APP: variants seen among roughly 807,000 people sequenced by gnomAD.
The protein encoded by APP is amyloid-beta precursor protein.
In APP, 31 loss-of-function variants were observed where a neutral mutation model predicts 101.4. That is an observed-to-expected ratio of 0.31 (90% CI 0.23 to 0.41). The LOEUF is 0.41. Among genes scored for constraint, APP ranks in the 10% least tolerant of loss-of-function variants. APP has a pLI of 1.00. For synonymous variants in APP, 366 were observed against 364.4 expected, an observed-to-expected ratio of 1.00 and a Z score of -0.05; for missense variants, 839 against 1,003.7, an observed-to-expected ratio of 0.84 and a Z score of 2.22.
intron 15 of APP, among the ~76,000 whole-genome samples, chr21:25,902,625 A>G (rs1162601256): frequency 6.8e-6 from 1 of 146,206 alleles, no homozygotes; most frequent in Non-Finnish European, 1.5e-5. Context: ...TTCTTTGCCA[A>G]TCCAGGTGCC....
chr21:25,895,110 C>CT (rs142828503), intron 16 of APP, among the ~76,000 whole-genome samples: 2,357 of 142,626 alleles, frequency 0.017, 39 homozygotes, highest in African/African-American at 0.042. Context: ...ATATACATGG[C>CT]TTTTTTTTTT....
chr21:25,900,682 A>T (rs2829977), intron 15 of APP, among the ~76,000 whole-genome samples: 25,168 of 152,050 alleles, frequency 0.17, 2,627 homozygotes, highest in African/African-American at 0.28. Context: ...TTGGAGCCAA[A>T]TATTTATACT....
intron 1 of APP, among the ~76,000 whole-genome samples, chr21:26,137,551 A>G (rs1474797306): frequency 6.6e-6 from 1 of 152,186 alleles, no homozygotes; most frequent in Non-Finnish European, 1.5e-5. Flanking sequence ...CCTTCATTTA[A>G]CAAAGAAACA....
chr21:26,070,549 A>C (rs930382986), intron 3 of APP, among the ~76,000 whole-genome samples: 1 of 152,236 alleles, frequency 6.6e-6, no homozygotes, highest in African/African-American at 2.4e-5. Flanking sequence ...GCTCACAAGT[A>C]AAAACTAAAA....
chr21:26,033,884 G>A (rs771003957), intron 5 of APP, among the ~76,000 whole-genome samples: 3 of 152,174 alleles, frequency 2.0e-5, no homozygotes, highest in Non-Finnish European at 4.4e-5. Context: ...GTTACTAATG[G>A]TAACAGAGGA....
intron 5 of APP, among the ~76,000 whole-genome samples, chr21:26,047,899 G>T (rs1285751194): frequency 6.6e-6 from 1 of 152,068 alleles, no homozygotes; most frequent in Non-Finnish European, 1.5e-5. Context: ...AAAAGAATGT[G>T]AACTATCTTA....
chr21:25,889,761 C>T (rs1198141590), intron 17 of APP, among the ~76,000 whole-genome samples: 2 of 152,024 alleles, frequency 1.3e-5, no homozygotes, highest in East Asian at 1.9e-4. Context: ...GTAGGAGAAT[C>T]GCTTGAACCT....
At chr21:25,884,021 G>C (rs1370655100) in intron 17 of APP, among the ~76,000 whole-genome samples, 1 of 151,992 alleles carries the variant, frequency 6.6e-6, no homozygotes, top group Non-Finnish European at 1.5e-5. Context: ...TGGGATTACA[G>C]GCACCCGCCA....
chr21:25,896,414 A>C lies in APP; in HGVS notation c.2064+1159T>G, dbSNP rs2038046344. On this transcript the variant is annotated intron_variant, in intron 16 of 17. Coordinates refer to ENST00000346798, the MANE Select transcript of APP (RefSeq NM_000484.4). ...GACATTTTCTGCTTGGAAAAAAGTA[A>C]CACTCACACACACACACACACAAAA... Among the ~76,000 whole-genome samples, 3 of 141,988 alleles carry C rather than the reference A, an allele frequency of 2.1e-5. No individual in the cohort carries two copies. In the South Asian group the frequency reaches 7.2e-4, roughly 34 times the overall value. 93.1% of individuals were successfully genotyped at this position (141,988 alleles called of 152,430 possible).
At chr21:25,901,122 ACT>A (rs1474963101) in intron 15 of APP, among the ~76,000 whole-genome samples, 1 of 152,038 alleles carries the variant, frequency 6.6e-6, no homozygotes, top group Non-Finnish European at 1.5e-5. Context: ...ATATGGCAAA[ACT>A]CTGTCTCTAC....
intron 13 of APP, among the ~76,000 whole-genome samples, chr21:25,939,741 C>T (rs560790449): frequency 1.3e-5 from 2 of 152,124 alleles, no homozygotes; most frequent in South Asian, 2.1e-4. Context: ...AGCAGAAAAT[C>T]GAGGGGCTCT....
At chr21:25,983,213 A>G (rs1365527821) in intron 8 of APP, among the ~76,000 whole-genome samples, 1 of 152,234 alleles carries the variant, frequency 6.6e-6, no homozygotes, top group Non-Finnish European at 1.5e-5. Flanking sequence ...AGCCAAGTGA[A>G]TTATAATACC....
intron 8 of APP, among the ~76,000 whole-genome samples, chr21:25,986,500 G>C (rs2042641839): frequency 1.3e-5 from 2 of 152,054 alleles, no homozygotes; most frequent in African/African-American, 4.8e-5. Flanking sequence ...AGACCAGCCT[G>C]ATCAACATGG....
intron 6 of APP, among the ~76,000 whole-genome samples, chr21:26,011,235 C>T (rs963115235): frequency 1.3e-5 from 2 of 151,846 alleles, no homozygotes; most frequent in Admixed American, 6.6e-5. Context: ...ATCATCATGC[C>T]CGGCTAATTT....
chr21:25,944,703 AT>A (rs887438954), intron 13 of APP, among the ~76,000 whole-genome samples: 4 of 152,138 alleles, frequency 2.6e-5, no homozygotes, highest in African/African-American at 7.2e-5. Context: ...AACATCACTG[AT>A]TTTTTTCCCC....
At chr21:26,075,922 T>C (rs947790666) in intron 3 of APP, among the ~76,000 whole-genome samples, 2 of 152,142 alleles carry the variant, frequency 1.3e-5, no homozygotes, top group Non-Finnish European at 2.9e-5. Context: ...AGACGGAGTT[T>C]CGCTCTTGTC....
At chr21:26,024,525 G>C (rs1409563339) in intron 5 of APP, among the ~76,000 whole-genome samples, 2 of 152,114 alleles carry the variant, frequency 1.3e-5, no homozygotes, top group East Asian at 1.9e-4. Flanking sequence ...CATGATCTAC[G>C]ACAATAGAAA....
chr21:26,024,466 T>C (rs555081765), intron 5 of APP, among the ~76,000 whole-genome samples: 6 of 152,294 alleles, frequency 3.9e-5, no homozygotes, highest in East Asian at 1.9e-4. Context: ...CACAGCATTA[T>C]GTAGGAAATC....
At chr21:26,112,643 G>A (rs1034008962) in intron 1 of APP, among the ~76,000 whole-genome samples, 13 of 152,208 alleles carry the variant, frequency 8.5e-5, no homozygotes, top group African/African-American at 3.1e-4. Flanking sequence ...GTTAGCAAGT[G>A]ACTGTATTAT....
Sources: allele counts gnomAD v4.1 joint callset (sites outside exome capture counted in the v4.1 genomes callset), GRCh38; gene constraint gnomAD v4.1.1; transcripts MANE v1.5; gene names NCBI Gene and HGNC (gene_info 2026-07-23, HGNC 2026-07-21).